The following BTBD9 variants were observed in gnomAD, a reference collection of about 807,000 sequenced individuals.
The protein encoded by BTBD9 is BTB domain containing 9.
Under a neutral mutation model 64.3 loss-of-function variants are expected in BTBD9, and 49 were observed. That is an observed-to-expected ratio of 0.76 (90% CI 0.61 to 0.97). The LOEUF (loss-of-function observed/expected upper bound fraction) is 0.97. Ranked by LOEUF, BTBD9 falls within the 50% of genes least tolerant of loss-of-function variation. The pLI is 0.00. For synonymous variants in BTBD9, 260 were observed against 274.7 expected, an observed-to-expected ratio of 0.95 and a Z score of 0.53; for missense variants, 598 against 762.1, an observed-to-expected ratio of 0.78 and a Z score of 2.53.
At chr6:38,585,570 A>G (rs919726066) in intron 4 of BTBD9, among the ~76,000 whole-genome samples, 7 of 152,214 alleles carry the variant, frequency 4.6e-5, no homozygotes, top group Non-Finnish European at 7.3e-5. Flanking sequence ...TTGGCCTCCC[A>G]AAGTGCTGGC....
chr6:38,569,175 T>G (rs1289596934), intron 6 of BTBD9, among the ~76,000 whole-genome samples: 3 of 152,246 alleles, frequency 2.0e-5, no homozygotes, highest in East Asian at 1.9e-4. Context: ...CTTAGGTAAG[T>G]GTCCTGAATA....
At chr6:38,226,201 G>T (rs114115249) in intron 9 of BTBD9, among the ~76,000 whole-genome samples, 3 of 152,198 alleles carry the variant, frequency 2.0e-5, no homozygotes, top group African/African-American at 7.2e-5. Flanking sequence ...GGTTTCAAAG[G>T]GGGGTGGGAG....
intron 7 of BTBD9, among the ~76,000 whole-genome samples, chr6:38,314,938 C>T (rs1582215700): frequency 6.6e-6 from 1 of 152,306 alleles, no homozygotes; most frequent in African/African-American, 2.4e-5. Flanking sequence ...CAAGCTCCAC[C>T]TCCCGGGTTC....
rs397888418 is a variant in BTBD9, at chr6:38,557,015, C to CAAAA, written c.1154+20581_1154+20584dup. On this transcript the variant is annotated intron_variant, in intron 6 of 10. Coordinates refer to ENST00000481247, the MANE Select transcript of BTBD9 (RefSeq NM_001099272.2). ...GGAACAGAGCGAGACTCCATCTCAC[C>CAAAA]AAAAAAAAAAAAAAAAAAAAAAAAA... Among the ~76,000 whole-genome samples, 61 of 15,406 alleles carry CAAAA rather than the reference C, an allele frequency of 4.0e-3. 19 individuals carry two copies. Among genetic ancestry groups the CAAAA allele is most frequent in the Middle Eastern group, 0.11 (2 of 18 alleles). 10.1% of individuals were successfully genotyped at this position (15,406 alleles called of 152,430 possible). A position where few individuals can be genotyped will look rare whatever the true frequency, so the allele number is the denominator to read the frequency against.
At chr6:38,511,797 A>C (rs1210130989) in intron 6 of BTBD9, among the ~76,000 whole-genome samples, 1 of 152,122 alleles carries the variant, frequency 6.6e-6, no homozygotes, top group African/African-American at 2.4e-5. Context: ...AAAGGTAAAG[A>C]TTTGCTTGCA....
At chr6:38,367,956 G>A (rs962113175) in intron 6 of BTBD9, among the ~76,000 whole-genome samples, 1 of 151,930 alleles carries the variant, frequency 6.6e-6, no homozygotes, top group Non-Finnish European at 1.5e-5. Flanking sequence ...ATGGTGATGC[G>A]ATAATAGAAA....
intron 5 of BTBD9, among the ~76,000 whole-genome samples, chr6:38,578,107 A>G (rs1030234892): frequency 4.6e-5 from 7 of 152,172 alleles, no homozygotes; most frequent in African/African-American, 1.7e-4. Context: ...GAGAAAGAAC[A>G]GAAAATGGAG....
intron 1 of BTBD9, among the ~76,000 whole-genome samples, chr6:38,627,105 C>A (rs1176527191): frequency 1.3e-5 from 2 of 152,128 alleles, no homozygotes; most frequent in Non-Finnish European, 2.9e-5. Flanking sequence ...CACTTTAAAG[C>A]AGCAAATGAA....
chr6:38,558,606 T>A lies in BTBD9; in HGVS notation c.1154+18994A>T, dbSNP rs936459992. Among the ~76,000 whole-genome samples, 6 of 152,184 alleles carry A rather than the reference T, an allele frequency of 3.9e-5. No individual in the cohort carries two copies. In the East Asian group the frequency reaches 1.2e-3, roughly 29 times the overall value. On this transcript the variant is annotated intron_variant, in intron 6 of 10. Coordinates refer to ENST00000481247, the MANE Select transcript of BTBD9 (RefSeq NM_001099272.2). The stretch of plus-strand genomic sequence containing the variant: ...TTTGAGGTTTTTTATCATGAAGAGA[T>A]GTTGGATTTTACCAAAAGCTTTCTG...
chr6:38,264,855 C>T (rs2127540110), intron 8 of BTBD9, among the ~76,000 whole-genome samples: 1 of 152,242 alleles, frequency 6.6e-6, no homozygotes, highest in South Asian at 2.1e-4. Context: ...CATGAGAACC[C>T]CTGAGGTGTT....
chr6:38,602,113 C>T (rs974022181), intron 1 of BTBD9, among the ~76,000 whole-genome samples: 10 of 151,988 alleles, frequency 6.6e-5, no homozygotes, highest in South Asian at 6.2e-4. Context: ...TTTATCAGGA[C>T]GTAACCATAT....
chr6:38,277,516 T>C (rs1244639565), intron 8 of BTBD9, among the ~76,000 whole-genome samples: 1 of 152,054 alleles, frequency 6.6e-6, no homozygotes, highest in African/African-American at 2.4e-5. Flanking sequence ...GTATTTTCAG[T>C]AGAGACAATG....
intron 9 of BTBD9, among the ~76,000 whole-genome samples, chr6:38,193,343 T>C (rs781331443): frequency 1.3e-5 from 2 of 152,146 alleles, no homozygotes; most frequent in Non-Finnish European, 2.9e-5. Flanking sequence ...GACCCCACCA[T>C]GTGAGTGATG....
chr6:38,366,128 A>G (rs370567138), intron 6 of BTBD9, among the ~76,000 whole-genome samples: 3 of 152,230 alleles, frequency 2.0e-5, no homozygotes, highest in African/African-American at 7.2e-5. Flanking sequence ...GAAGAGTATG[A>G]CCTGCTTCAT....
chr6:38,606,456 C>G (rs1582708742), intron 1 of BTBD9, among the ~76,000 whole-genome samples: 1 of 152,106 alleles, frequency 6.6e-6, no homozygotes, highest in East Asian at 1.9e-4. Context: ...AACTTTACTA[C>G]TTACTGGTAG....
chr6:38,569,350 T>C (rs1416373622), intron 6 of BTBD9, among the ~76,000 whole-genome samples: 1 of 152,142 alleles, frequency 6.6e-6, no homozygotes, highest in Non-Finnish European at 1.5e-5. Context: ...ATAAATCCCA[T>C]AAGTAATAAA....
At chr6:38,371,578 T>A (rs1179321783) in intron 6 of BTBD9, among the ~76,000 whole-genome samples, 1 of 152,170 alleles carries the variant, frequency 6.6e-6, no homozygotes, top group Admixed American at 6.5e-5. Flanking sequence ...GTCACTGCCA[T>A]CGCCATGATT....
In BTBD9 at chr6:38,529,872, T is replaced by C. The variant is rs563466202; in HGVS notation, c.1154+47728A>G. Among the ~76,000 whole-genome samples the C allele has an allele frequency of 7.9e-5, 12 of 152,226 alleles. No individual in the cohort carries two copies. The East Asian group carries it at 2.3e-3, about 29-fold the overall frequency. ...TTGAAAAAGAACAGAATAACAGCGA[T>C]TTTTAGGGAACAAGGGAAGACAACC... On this transcript the variant is annotated intron_variant, in intron 6 of 10. Coordinates refer to ENST00000481247, the MANE Select transcript of BTBD9 (RefSeq NM_001099272.2).
chr6:38,407,865 C>T (rs1296246499), intron 6 of BTBD9, among the ~76,000 whole-genome samples: 1 of 152,124 alleles, frequency 6.6e-6, no homozygotes, highest in Non-Finnish European at 1.5e-5. Flanking sequence ...CCTTTCCATC[C>T]AGATAAATTC....
Sources: gnomAD v4.1 joint callset for allele counts (sites outside exome capture counted in the v4.1 genomes callset) on GRCh38, gnomAD v4.1.1 for gene constraint, MANE v1.5 for transcripts, NCBI Gene and HGNC (gene_info 2026-07-23, HGNC 2026-07-21) for gene names.